Variants in ELOVL2 observed in about 807,000 individuals in gnomAD.
ELOVL2 encodes the protein very long chain fatty acid elongase 2.
ELOVL2 carries 38 observed loss-of-function variants against 37.7 expected under a neutral mutation model. The observed-to-expected ratio is 1.01, with a 90% CI of 0.78 to 1.32. ELOVL2 has a LOEUF of 1.32. ELOVL2 is among the 40% of genes most tolerant of loss of function. ELOVL2 has a pLI of 0.00. For synonymous variants in ELOVL2, 115 were observed against 122.3 expected (o/e 0.94, Z 0.40); for missense variants, 352 against 363.6 (o/e 0.97, Z 0.26).
chr6:11,016,835 A>G (rs112851567), intron 1 of ELOVL2, among the ~76,000 whole-genome samples: 262 of 152,366 alleles, frequency 1.7e-3, no homozygotes, highest in African/African-American at 5.9e-3. Context: ...AAGAGTGGAT[A>G]CATAAAAATG....
chr6:11,044,293 G>A lies in ELOVL2; in HGVS notation c.-63C>T. On this transcript the variant is annotated 5_prime_UTR_variant, in exon 1 of 8. Transcript: ENST00000354666. The surrounding 1 kb of genome is among the most constrained non-coding windows in gnomAD (Gnocchi z 5.6). ...GGCGATGCGCTGTCCAGGGTAGCCG[G>A]GTCCCTCTGCCCGGCGCTATCTCGG... The A allele has an allele frequency of 8.0e-7, 1 of 1,244,490 alleles. No individual in the cohort carries two copies. The highest frequency in any genetic ancestry group is 1.0e-6 in the Non-Finnish European group (1 of 993,006). 77.1% of individuals were successfully genotyped at this position (1,244,490 alleles called of 1,614,324 possible).
At chr6:10,984,432 C>T (rs1340319073) in intron 7 of ELOVL2, among the ~76,000 whole-genome samples, 1 of 151,498 alleles carries the variant, frequency 6.6e-6, no homozygotes, top group African/African-American at 2.4e-5. Flanking sequence ...CATATGTATA[C>T]ATGTGCCATG....
intron 5 of ELOVL2, among the ~76,000 whole-genome samples, chr6:10,992,790 A>AAAAAC (rs1554110936): frequency 3.2e-5 from 4 of 123,756 alleles, no homozygotes; most frequent in African/African-American, 7.1e-5. Flanking sequence ...CCATCTCAAA[A>AAAAAC]AAAACAAAAC....
At position 10,981,003 on chromosome 6, in the gene ELOVL2, G is replaced by A. The variant is rs1251590989; in HGVS notation, c.*2778C>T. ...AATGGACTCCTAGATACAAAAGGCT[G>A]TTCTGCCCATCACAGTAAACACTGT... On this transcript the variant is annotated 3_prime_UTR_variant, in exon 8 of 8. Transcript: ENST00000354666. 1 of 152,348 alleles carries A rather than the reference G, an allele frequency of 6.6e-6. No individual in the cohort carries two copies. The highest frequency in any genetic ancestry group is 1.5e-5 in the Non-Finnish European group (1 of 68,038). The allele number at this position is 152,348 out of a possible 1,614,324, so 9.4% of individuals were successfully genotyped here. A position where few individuals can be genotyped will look rare whatever the true frequency, so the allele number is the denominator to read the frequency against.
chr6:11,028,811 ACTACT>A (rs1392339357), intron 1 of ELOVL2, among the ~76,000 whole-genome samples: 2 of 152,022 alleles, frequency 1.3e-5, no homozygotes, highest in Non-Finnish European at 2.9e-5. Context: ...AGTTCTCGAA[ACTACT>A]CTATAAGGCA....
At chr6:11,043,487 C>CACACACACACACACACACACACACAG in intron 1 of ELOVL2, 1 of 154,736 alleles carries the variant, frequency 6.5e-6, no homozygotes, top group Admixed American at 6.6e-5. Context: ...CACACACACA[C>CACACACACACACACACACACACACAG]AGCTTACTGC....
chr6:11,034,913 G>A (rs1782984444), intron 1 of ELOVL2, among the ~76,000 whole-genome samples: 1 of 152,016 alleles, frequency 6.6e-6, no homozygotes, highest in Admixed American at 6.6e-5. Flanking sequence ...TGAGGCAGGA[G>A]AATCACTTGA....
chr6:10,986,545 G>GT (rs1196968730), intron 7 of ELOVL2, among the ~76,000 whole-genome samples: 1 of 152,154 alleles, frequency 6.6e-6, no homozygotes, highest in Non-Finnish European at 1.5e-5. Context: ...TTTACTGAGA[G>GT]TTTTTAGCAT....
At chr6:11,023,103 A>T (rs1241178236) in intron 1 of ELOVL2, among the ~76,000 whole-genome samples, 1 of 152,266 alleles carries the variant, frequency 6.6e-6, no homozygotes, top group East Asian at 1.9e-4. Context: ...GATATTTGTA[A>T]TGATTATTAC....
In ELOVL2 at chr6:11,027,590, A is replaced by G. The variant is rs187863242; in HGVS notation, c.3+16638T>C. 8.1e-4 allele frequency among the ~76,000 whole-genome samples: 124 copies of G among 152,256 alleles called. 1 individual carries two copies. Among genetic ancestry groups the G allele is most frequent in the African/African-American group, 2.8e-3 (118 of 41,552 alleles). Reference sequence around the variant, plus strand: ...ATTCAACTGTTACCCATAAATCCTAATTCTTTCCTCTGGAGTTACACAAAA... The same window carrying G: ...ATTCAACTGTTACCCATAAATCCTAGTTCTTTCCTCTGGAGTTACACAAAA... On this transcript the variant is annotated intron_variant, in intron 1 of 7. Coordinates refer to ENST00000354666, the MANE Select transcript of ELOVL2 (RefSeq NM_017770.4).
chr6:11,038,130 A>T (rs1190071700), intron 1 of ELOVL2, among the ~76,000 whole-genome samples: 1 of 152,166 alleles, frequency 6.6e-6, no homozygotes, highest in Non-Finnish European at 1.5e-5. Context: ...CTTCTTTGAA[A>T]CTGTAAAGTA....
chr6:10,996,119 T>TAACA (rs3839411), intron 4 of ELOVL2, among the ~76,000 whole-genome samples: 27,858 of 152,082 alleles, frequency 0.18, 3,387 homozygotes, highest in East Asian at 0.44. Flanking sequence ...TTTTTACCAC[T>TAACA]AACATTAAAC....
chr6:11,023,761 G>A (rs1304254359), intron 1 of ELOVL2, among the ~76,000 whole-genome samples: 3 of 152,128 alleles, frequency 2.0e-5, no homozygotes, highest in Non-Finnish European at 4.4e-5. Flanking sequence ...TCTTTTCTAG[G>A]AGGTAAAGGA....
At chr6:10,989,593 C>G in intron 7 of ELOVL2, 110 bp downstream of exon 7, 2 of 1,067,540 alleles carry the variant, frequency 1.9e-6, no homozygotes, top group Non-Finnish European at 2.7e-6. Flanking sequence ...GAGCTGAGAT[C>G]ATGCCACTGC....
intron 1 of ELOVL2, among the ~76,000 whole-genome samples, chr6:11,037,924 A>G (rs976225376): frequency 2.6e-5 from 4 of 152,178 alleles, no homozygotes; most frequent in African/African-American, 9.7e-5. Context: ...CCATCCCTGT[A>G]ATTTATGGGA....
chr6:11,018,173 TTAACATGAATAGAA>T (rs1466668160), intron 1 of ELOVL2, among the ~76,000 whole-genome samples: 3 of 152,204 alleles, frequency 2.0e-5, no homozygotes, highest in African/African-American at 7.2e-5. Flanking sequence ...TCTCTTGCAA[TTAACATGAATAGAA>T]TGAACCCTTT....
intron 7 of ELOVL2, among the ~76,000 whole-genome samples, chr6:10,986,182 T>C (rs1161666502): frequency 6.6e-6 from 1 of 150,604 alleles, no homozygotes; most frequent in Non-Finnish European, 1.5e-5. Context: ...TGCTTGTGAT[T>C]TTTTGTACAT....
intron 1 of ELOVL2, among the ~76,000 whole-genome samples, chr6:11,041,636 C>T (rs1783098784): frequency 6.6e-6 from 1 of 152,044 alleles, no homozygotes; most frequent in African/African-American, 2.4e-5. Flanking sequence ...TATTTCTTTC[C>T]TTTTTACCTT....
intron 7 of ELOVL2, among the ~76,000 whole-genome samples, chr6:10,985,709 C>G (rs568532519): frequency 7.3e-4 from 111 of 152,054 alleles, no homozygotes; most frequent in Middle Eastern, 6.8e-3. Flanking sequence ...TGATCTATAT[C>G]TCTGTTTTGG....
Sources: allele counts gnomAD v4.1 joint callset (sites outside exome capture counted in the v4.1 genomes callset), GRCh38; gene constraint gnomAD v4.1.1; non-coding constraint Gnocchi (gnomAD v3.1); transcripts MANE v1.5; gene names NCBI Gene and HGNC (gene_info 2026-07-23, HGNC 2026-07-21).